Variants in HS3ST5 observed in about 807,000 individuals in gnomAD.
The protein encoded by HS3ST5 is heparan sulfate-glucosamine 3-sulfotransferase 5, also known as heparan sulfate glucosamine 3-O-sulfotransferase 5.
HS3ST5 carries 10 observed loss-of-function variants against 25.4 expected under a neutral mutation model. The ratio of observed to expected loss-of-function variants is 0.39; its 90% confidence interval spans 0.24 to 0.67. The LOEUF (loss-of-function observed/expected upper bound fraction) is 0.67. Among genes scored for constraint, HS3ST5 ranks in the 30% least tolerant of loss-of-function variants. The pLI is 0.44. For synonymous variants in HS3ST5, 170 were observed against 162.4 expected, an observed-to-expected ratio of 1.05 and a Z score of -0.36; for missense variants, 324 against 420.7, an observed-to-expected ratio of 0.77 and a Z score of 2.01.
At chr6:114,264,535 T>G (rs993478612) in intron 1 of HS3ST5, among the ~76,000 whole-genome samples, 1 of 151,916 alleles carries the variant, frequency 6.6e-6, no homozygotes, top group African/African-American at 2.4e-5. Flanking sequence ...TGAGGTTGAA[T>G]AGATGTTCAT....
rs189861700 is a variant in HS3ST5, at chr6:114,136,587, G to T, written c.-33+31764C>A. ...GTTTTTGTTGTATTGAAGTGAATTG[G>T]GCATTAACTTGAAATCCTTCAGTCT... is the stretch of plus-strand genomic sequence containing the variant. On this transcript the variant is annotated intron_variant, in intron 3 of 4. Transcript: ENST00000312719. 4.6e-5 allele frequency among the ~76,000 whole-genome samples: 7 copies of T among 152,168 alleles called. No individual in the cohort carries two copies. In the East Asian group the frequency reaches 5.8e-4, roughly 13 times the overall value.
At chr6:114,067,376 G>A (rs914432457) in intron 3 of HS3ST5, among the ~76,000 whole-genome samples, 1 of 152,004 alleles carries the variant, frequency 6.6e-6, no homozygotes, top group African/African-American at 2.4e-5. Flanking sequence ...TTAGCAGACA[G>A]GAAAAAGAAG....
chr6:114,241,934 A>G (rs12208238), intron 1 of HS3ST5, among the ~76,000 whole-genome samples: 2,587 of 152,330 alleles, frequency 0.017, 32 homozygotes, highest in Non-Finnish European at 0.022. Flanking sequence ...GTCATTCTCC[A>G]TAGTACCATC....
chr6:114,246,867 C>T (rs935065632), intron 1 of HS3ST5, among the ~76,000 whole-genome samples: 2 of 152,160 alleles, frequency 1.3e-5, no homozygotes, highest in Non-Finnish European at 2.9e-5. Flanking sequence ...CAAACTGTTA[C>T]TTTATCTACA....
chr6:114,165,763 C>G (rs1779180001), intron 3 of HS3ST5, among the ~76,000 whole-genome samples: 1 of 152,116 alleles, frequency 6.6e-6, no homozygotes, highest in Non-Finnish European at 1.5e-5. Context: ...TCTTTCTCAC[C>G]AGCTCTGTGA....
chr6:114,222,960 A>C (rs1782111018), intron 2 of HS3ST5, among the ~76,000 whole-genome samples: 1 of 151,844 alleles, frequency 6.6e-6, no homozygotes, highest in African/African-American at 2.4e-5. Context: ...TTCCTAAACA[A>C]GGAAATTTTG....
chr6:114,104,620 A>C (rs73536640), intron 3 of HS3ST5, among the ~76,000 whole-genome samples: 2,053 of 152,330 alleles, frequency 0.013, 47 homozygotes, highest in African/African-American at 0.048. Context: ...TGAAATATGC[A>C]GGTGCAAGCC....
chr6:114,066,602 C>T (rs1773462543), intron 3 of HS3ST5, among the ~76,000 whole-genome samples: 1 of 152,126 alleles, frequency 6.6e-6, no homozygotes. Flanking sequence ...CACTGCACTC[C>T]AGCCTGGGTG....
At chr6:114,330,994 A>C (rs977426235) in intron 1 of HS3ST5, among the ~76,000 whole-genome samples, 26 of 152,242 alleles carry the variant, frequency 1.7e-4, no homozygotes, top group Admixed American at 1.7e-3. Context: ...AAAGTCTCTC[A>C]GTATGGATTG....
chr6:114,251,628 C>G (rs186577339), intron 1 of HS3ST5: 2 of 152,024 alleles, frequency 1.3e-5, no homozygotes, highest in Admixed American at 1.3e-4. Flanking sequence ...CCAGGCCACA[C>G]CAATTGGTTC....
intron 2 of HS3ST5, among the ~76,000 whole-genome samples, chr6:114,212,238 G>T (rs774193718): frequency 6.6e-6 from 1 of 152,226 alleles, no homozygotes; most frequent in African/African-American, 2.4e-5. Context: ...ACAAGGGCAG[G>T]CTGGCCTTCT....
At chr6:114,300,631 A>G (rs1205592088) in intron 1 of HS3ST5, among the ~76,000 whole-genome samples, 2 of 152,178 alleles carry the variant, frequency 1.3e-5, no homozygotes, top group Non-Finnish European at 2.9e-5. Context: ...TTGCCATATG[A>G]CCCAGCAATT....
intron 1 of HS3ST5, among the ~76,000 whole-genome samples, chr6:114,299,581 T>C (rs1054570221): frequency 7.9e-5 from 12 of 152,120 alleles, no homozygotes; most frequent in Admixed American, 5.9e-4. Context: ...CTTCGAAATT[T>C]CTCTCTTTTG....
intron 1 of HS3ST5, among the ~76,000 whole-genome samples, chr6:114,320,943 A>G (rs1489249160): frequency 6.8e-6 from 1 of 147,868 alleles, no homozygotes; most frequent in Non-Finnish European, 1.5e-5. Flanking sequence ...CATATATAAT[A>G]TATAAAGCCA....
chr6:114,321,490 G>A (rs1488017479), intron 1 of HS3ST5, among the ~76,000 whole-genome samples: 1 of 151,984 alleles, frequency 6.6e-6, no homozygotes, highest in East Asian at 1.9e-4. Flanking sequence ...ATTGCTCTGT[G>A]TTCCACATTC....
At position 114,233,160 on chromosome 6, in the gene HS3ST5, T is replaced by C. The variant is rs539702224; in HGVS notation, c.-338-4382A>G. ...TTGTTGAATGAATGAACAATTACTT[T>C]GCAGTAACTCTTAAATCATGAAGCA... On this transcript the variant is annotated intron_variant, in intron 1 of 4. Coordinates refer to ENST00000312719, the MANE Select transcript of HS3ST5 (RefSeq NM_153612.4). 6.6e-5 allele frequency among the ~76,000 whole-genome samples: 10 copies of C among 152,224 alleles called. No individual in the cohort carries two copies. In the East Asian group the frequency reaches 1.9e-3, roughly 29 times the overall value.
In HS3ST5 at chr6:114,057,525, A is replaced by C. The variant is rs1479943936; in HGVS notation, c.773T>G (p.Leu258Arg). The stretch of plus-strand genomic sequence containing the variant: ...AAGTTCTGGCAGAGGTTCCGTGATG[A>C]GGCGATCTCCATCGACGACATGAAA... Reference protein sequence around the residue: ...EQFHVVDGDRLITEPLPELQL... With the variant: ...EQFHVVDGDRRITEPLPELQL... The change falls in exon 5 of 5, where the codon CTC (leucine) becomes CGC (arginine). Residue 258 changes from leucine (L) to arginine (R), a missense_variant. Leu to Arg is a moderately radical substitution (Grantham distance 102). Transcript: ENST00000312719. The C allele has an allele frequency of 1.2e-6, 2 of 1,614,100 alleles. No individual in the cohort carries two copies. Among genetic ancestry groups the C allele is most frequent in the African/African-American group, 1.3e-5 (1 of 74,934 alleles).
intron 2 of HS3ST5, among the ~76,000 whole-genome samples, chr6:114,205,062 A>G (rs1336037932): frequency 1.3e-5 from 2 of 152,156 alleles, no homozygotes; most frequent in African/African-American, 4.8e-5. Context: ...TCCAAACAAC[A>G]CCCAATTCTA....
At chr6:114,294,918 C>T (rs1379824734) in intron 1 of HS3ST5, among the ~76,000 whole-genome samples, 3 of 152,050 alleles carry the variant, frequency 2.0e-5, no homozygotes, top group Middle Eastern at 3.2e-3. Context: ...TATCTAAAGG[C>T]GAGGATGTCT....
Sources: allele counts gnomAD v4.1 joint callset (sites outside exome capture counted in the v4.1 genomes callset), GRCh38; gene constraint gnomAD v4.1.1; transcripts MANE v1.5; gene names NCBI Gene and HGNC (gene_info 2026-07-23, HGNC 2026-07-21).